Variants in WWOX observed in about 807,000 individuals in gnomAD.
WWOX encodes WW domain-containing oxidoreductase.
WWOX carries 69 observed loss-of-function variants against 46.2 expected under a neutral mutation model. The observed-to-expected ratio is 1.49, with a 90% CI of 1.23 to 1.82. WWOX has a LOEUF of 1.82. Ranked by LOEUF, WWOX falls within the 40% of genes most tolerant of loss-of-function variation. The pLI, the probability that WWOX is intolerant of heterozygous loss-of-function variation, is 0.00. For synonymous variants in WWOX, 359 were observed against 202.6 expected (o/e 1.77, Z -6.56); for missense variants, 919 against 542.6 (o/e 1.69, Z -6.89).
chr16:78,496,516 T>G (rs1036451651), intron 8 of WWOX: 4 of 152,244 alleles, frequency 2.6e-5, no homozygotes, highest in Non-Finnish European at 4.4e-5. Context: ...TTGACCACTA[T>G]GATAACATCA....
chr16:78,807,440 A>G (rs2051071984), intron 8 of WWOX, among the ~76,000 whole-genome samples: 1 of 152,262 alleles, frequency 6.6e-6, no homozygotes, highest in Non-Finnish European at 1.5e-5. Context: ...AAGGTCCATT[A>G]ATCGCTGAAT....
rs150521921 is a variant in WWOX at position 78,335,060 on chromosome 16, T to C, written c.517-51800T>C. Among the ~76,000 whole-genome samples, 213 of 152,250 alleles carry C rather than the reference T, an allele frequency of 1.4e-3. 1 individual carries two copies. Among genetic ancestry groups the C allele is most frequent in the African/African-American group, 4.6e-3 (193 of 41,554 alleles). ...CCTGGTAGCTTGTTAGACATAGAAA[T>C]TCTTGGGCTTTATTCCACACATAAT... On this transcript the variant is annotated intron_variant, in intron 5 of 8. Coordinates refer to ENST00000566780, the MANE Select transcript of WWOX (RefSeq NM_016373.4).
intron 8 of WWOX, among the ~76,000 whole-genome samples, chr16:79,020,244 C>T (rs1357950654): frequency 2.6e-5 from 4 of 152,148 alleles, no homozygotes; most frequent in South Asian, 4.1e-4. Context: ...TGCTGCAAGG[C>T]GCAGTGCTGG....
intron 8 of WWOX, among the ~76,000 whole-genome samples, chr16:78,696,387 T>C (rs1014040345): frequency 2.0e-5 from 3 of 152,168 alleles, no homozygotes; most frequent in East Asian, 1.9e-4. Context: ...TGACTTATAA[T>C]GGTTTGACTT....
intron 8 of WWOX, among the ~76,000 whole-genome samples, chr16:78,833,338 A>G (rs2051884151): frequency 1.3e-5 from 2 of 151,506 alleles, no homozygotes. Context: ...CTTTCTTTAT[A>G]CCAGTCCTCA....
chr16:78,951,031 G>C (rs968518165), intron 8 of WWOX, among the ~76,000 whole-genome samples: 2 of 152,268 alleles, frequency 1.3e-5, no homozygotes, highest in African/African-American at 4.8e-5. Context: ...GACATTGTAG[G>C]TGGCAGCAAT....
At chr16:78,751,310 G>C (rs1340240820) in intron 8 of WWOX, among the ~76,000 whole-genome samples, 1 of 150,862 alleles carries the variant, frequency 6.6e-6, no homozygotes, top group Admixed American at 6.6e-5. Context: ...AATTTAGCTG[G>C]GTTTCCTGGG....
chr16:78,539,420 G>C (rs886349874), intron 8 of WWOX, among the ~76,000 whole-genome samples: 3 of 152,186 alleles, frequency 2.0e-5, no homozygotes, highest in African/African-American at 7.2e-5. Flanking sequence ...ATTATTTTAG[G>C]GGGAGAGGTT....
intron 8 of WWOX, among the ~76,000 whole-genome samples, chr16:78,937,229 A>G (rs909723866): frequency 3.3e-5 from 5 of 152,154 alleles, no homozygotes; most frequent in Non-Finnish European, 7.4e-5. Flanking sequence ...TTCAACTTTT[A>G]ATAGTATTTC....
At chr16:78,690,390 A>G (rs1327387479) in intron 8 of WWOX, among the ~76,000 whole-genome samples, 1 of 152,142 alleles carries the variant, frequency 6.6e-6, no homozygotes, top group East Asian at 1.9e-4. Flanking sequence ...GTATCTACAA[A>G]AAATAAACAA....
intron 8 of WWOX, among the ~76,000 whole-genome samples, chr16:79,200,565 C>A (rs558983533): frequency 6.6e-6 from 1 of 152,150 alleles, no homozygotes; most frequent in Non-Finnish European, 1.5e-5. Context: ...TTGTGCGAAT[C>A]AGAAGTAATA....
At chr16:78,954,147 G>T (rs529846638) in intron 8 of WWOX, among the ~76,000 whole-genome samples, 6 of 152,262 alleles carry the variant, frequency 3.9e-5, no homozygotes, top group African/African-American at 1.4e-4. Context: ...AAAAATGTCT[G>T]TCAGAGTAGG....
chr16:78,883,376 G>A (rs1020782562), intron 8 of WWOX, among the ~76,000 whole-genome samples: 2 of 152,128 alleles, frequency 1.3e-5, no homozygotes, highest in African/African-American at 2.4e-5. Flanking sequence ...TGGGAAACTC[G>A]TGAAATCCTA....
chr16:78,169,830 A>G (rs2151741664), intron 5 of WWOX, among the ~76,000 whole-genome samples: 1 of 152,208 alleles, frequency 6.6e-6, no homozygotes, highest in Middle Eastern at 3.4e-3. Context: ...AGGGATTGTT[A>G]TGAGTAACCA....
Position 78,314,554 on chromosome 16 carries a change from TGCTCTTGTCG to T in WWOX, c.517-72305_517-72296del, listed in dbSNP as rs1374574720. On this transcript the variant is annotated intron_variant, in intron 5 of 8. Transcript: ENST00000566780. The stretch of plus-strand genomic sequence containing the variant: ...TTTTTTTTTTTTTGAGTCGGAGTTT[TGCTCTTGTCG>T]CCCAGGCTGGAGTGTAATGGCGTGA... Among the ~76,000 whole-genome samples the T allele has an allele frequency of 6.6e-3, 984 of 148,756 alleles. 13 individuals are homozygous for T. The highest frequency in any genetic ancestry group is 0.023 in the African/African-American group (932 of 40,500).
chr16:78,915,665 G>T (rs1182418641), intron 8 of WWOX, among the ~76,000 whole-genome samples: 1 of 148,282 alleles, frequency 6.7e-6, no homozygotes, highest in Non-Finnish European at 1.5e-5. Context: ...ACCGTTTGGG[G>T]AAAGTGCTTG....
chr16:78,525,997 T>C (rs903281575), intron 8 of WWOX: 15 of 152,248 alleles, frequency 9.9e-5, no homozygotes, highest in African/African-American at 3.4e-4. Context: ...TCATCCTATC[T>C]GCTTCTGACA....
intron 8 of WWOX, among the ~76,000 whole-genome samples, chr16:78,950,214 C>T (rs139876246): frequency 6.6e-6 from 1 of 152,138 alleles, no homozygotes; most frequent in Non-Finnish European, 1.5e-5. Context: ...TTCCAATATT[C>T]CCTCCTAATC....
chr16:78,642,262 A>G (rs1334979139), intron 8 of WWOX, among the ~76,000 whole-genome samples: 1 of 152,212 alleles, frequency 6.6e-6, no homozygotes, highest in Admixed American at 6.5e-5. Flanking sequence ...GGTTAAGGAA[A>G]TGGGTGGAGA....
Sources: gnomAD v4.1 joint callset for allele counts (sites outside exome capture counted in the v4.1 genomes callset) on GRCh38, gnomAD v4.1.1 for gene constraint, MANE v1.5 for transcripts, NCBI Gene and HGNC (gene_info 2026-07-23, HGNC 2026-07-21) for gene names.